Variants in LRP1B observed in about 807,000 individuals in gnomAD.
The protein encoded by LRP1B is low-density lipoprotein receptor-related protein 1B.
Under a neutral mutation model 556.6 loss-of-function variants are expected in LRP1B, and 217 were observed. The observed-to-expected ratio is 0.39, with a 90% CI of 0.35 to 0.44. The LOEUF is 0.44. Among genes scored for constraint, LRP1B ranks in the 20% least tolerant of loss-of-function variants. The pLI is 1.00. For missense variants in LRP1B, 5,053 were observed against 5,620.8 expected (o/e 0.90, Z 3.23); for synonymous variants, 2,047 against 1,865.8 (o/e 1.10, Z -2.50).
intron 25 of LRP1B, among the ~76,000 whole-genome samples, chr2:140,882,959 A>G (rs1693519971): frequency 6.6e-6 from 1 of 152,188 alleles, no homozygotes; most frequent in Non-Finnish European, 1.5e-5. Context: ...TTACAAAACA[A>G]TTACAAAGGT....
chr2:140,484,410 G>T (rs1392745305), intron 59 of LRP1B, among the ~76,000 whole-genome samples: 2 of 152,098 alleles, frequency 1.3e-5, no homozygotes, highest in Non-Finnish European at 2.9e-5. Flanking sequence ...TAAAAGCTGT[G>T]GTTTGGTGAA....
chr2:141,315,276 T>TTC (rs1686985007), intron 3 of LRP1B, among the ~76,000 whole-genome samples: 1 of 145,054 alleles, frequency 6.9e-6, no homozygotes, highest in Admixed American at 7.0e-5. Context: ...TTTTTTTTTT[T>TTC]TGAGACTGAG....
intron 11 of LRP1B, among the ~76,000 whole-genome samples, chr2:141,048,288 T>C (rs148890347): frequency 1.6e-4 from 24 of 152,208 alleles, no homozygotes; most frequent in Admixed American, 3.3e-4. Context: ...AAGATCTGGT[T>C]TGATTTATTA....
At chr2:140,435,245 GT>G (rs1390487078) in intron 66 of LRP1B, among the ~76,000 whole-genome samples, 1 of 146,976 alleles carries the variant, frequency 6.8e-6, no homozygotes, top group Non-Finnish European at 1.5e-5. Flanking sequence ...TACATATTTT[GT>G]TTTTTTCTAT....
At chr2:141,437,588 C>T (rs1247849993) in intron 3 of LRP1B, among the ~76,000 whole-genome samples, 1 of 151,890 alleles carries the variant, frequency 6.6e-6, no homozygotes, top group Non-Finnish European at 1.5e-5. Context: ...TAACTTCCAA[C>T]TACCTTAAGA....
At chr2:140,668,209 C>T (rs1685348891) in intron 41 of LRP1B, among the ~76,000 whole-genome samples, 2 of 150,800 alleles carry the variant, frequency 1.3e-5, no homozygotes, top group Admixed American at 1.3e-4. Context: ...GCTGGGGAGG[C>T]TGAGGCAGGA....
intron 32 of LRP1B, among the ~76,000 whole-genome samples, chr2:140,793,267 C>A (rs1015214933): frequency 6.6e-6 from 1 of 151,904 alleles, no homozygotes; most frequent in Non-Finnish European, 1.5e-5. Flanking sequence ...ATGACTTCGA[C>A]TTTGATTTTG....
At chr2:140,670,751 G>T (rs1411773718) in intron 41 of LRP1B, among the ~76,000 whole-genome samples, 1 of 152,144 alleles carries the variant, frequency 6.6e-6, no homozygotes, top group Non-Finnish European at 1.5e-5. Flanking sequence ...TAATGTTGAA[G>T]AAATATTCCA....
At chr2:140,663,778 G>A (rs1377995549) in intron 41 of LRP1B, among the ~76,000 whole-genome samples, 17 of 152,276 alleles carry the variant, frequency 1.1e-4, no homozygotes, top group Middle Eastern at 3.4e-3. Context: ...TTGCGACTTG[G>A]CTAACTGGCA....
At chr2:141,820,619 T>C (rs1451021474) in intron 1 of LRP1B, among the ~76,000 whole-genome samples, 3 of 152,182 alleles carry the variant, frequency 2.0e-5, no homozygotes, top group African/African-American at 4.8e-5. Context: ...TCAATAATTT[T>C]TGTTGTCATG....
At chr2:140,423,840 T>G (rs1008828461) in intron 66 of LRP1B, among the ~76,000 whole-genome samples, 4 of 152,128 alleles carry the variant, frequency 2.6e-5, no homozygotes, top group African/African-American at 9.7e-5. Flanking sequence ...TTGAGCCACT[T>G]ACATATACAA....
In LRP1B at chr2:141,961,088, C is replaced by T. The variant is rs532812123; in HGVS notation, c.83-150687G>A. ...TTACTTCATGATGTATAGCAAAATG[C>T]AGCATTTGAAGTAATTATTTATAAA... is the stretch of plus-strand genomic sequence containing the variant. On this transcript the variant is annotated intron_variant, in intron 1 of 90. Transcript: ENST00000389484. Among the ~76,000 whole-genome samples the T allele has an allele frequency of 2.6e-5, 4 of 151,570 alleles. No individual in the cohort carries two copies. The South Asian group carries it at 8.3e-4, about 31-fold the overall frequency.
chr2:141,463,630 T>C (rs1253128710), intron 3 of LRP1B, among the ~76,000 whole-genome samples: 1 of 91,830 alleles, frequency 1.1e-5, no homozygotes, highest in Non-Finnish European at 2.1e-5. Flanking sequence ...TATTATATAT[T>C]ATTATATATT....
In LRP1B at chr2:141,188,581, C is replaced by T; in HGVS notation, c.853G>A (p.Val285Met). The T allele has an allele frequency of 6.2e-7, 1 of 1,611,530 alleles. No individual in the cohort carries two copies. The highest frequency in any genetic ancestry group is 8.5e-7 in the Non-Finnish European group (1 of 1,178,714). Residue 285 changes from valine to methionine, a missense_variant and splice_region_variant, in exon 7 of 91, where the codon GTG becomes ATG. Physicochemically the swap from Val to Met is conservative, Grantham distance 21 (BLOSUM62 1). Around this residue, in one of 5 missense-constraint regions of LRP1B, gnomAD observed 3,619 missense variants for 3,931.9 expected, o/e 0.92. Coordinates refer to ENST00000389484, the MANE Select transcript of LRP1B (RefSeq NM_018557.3). ...TINILQSFHN[V>M]QQMAIDWLTR... ...AGCCAGTCAATCGCCATTTGTTGCACATCTGAAAAACACATACACAAAATC... is the reference window on the plus strand; with the variant it reads ...AGCCAGTCAATCGCCATTTGTTGCATATCTGAAAAACACATACACAAAATC...
At chr2:140,953,776 C>T (rs1695789631) in intron 18 of LRP1B, among the ~76,000 whole-genome samples, 1 of 152,156 alleles carries the variant, frequency 6.6e-6, no homozygotes, top group Non-Finnish European at 1.5e-5. Context: ...ATCATTTTAG[C>T]TATAAGGCAA....
intron 2 of LRP1B, among the ~76,000 whole-genome samples, chr2:141,563,744 G>A (rs991578316): frequency 6.6e-6 from 1 of 152,022 alleles, no homozygotes; most frequent in African/African-American, 2.4e-5. Context: ...GCAGCTGGAG[G>A]CCATTATCCT....
At chr2:140,546,811 G>T (rs1680358340) in intron 43 of LRP1B, among the ~76,000 whole-genome samples, 1 of 152,118 alleles carries the variant, frequency 6.6e-6, no homozygotes, top group Non-Finnish European at 1.5e-5. Flanking sequence ...GTCATAGATG[G>T]TTCTTATTAT....
At chr2:141,353,480 A>G (rs1688517297) in intron 3 of LRP1B, among the ~76,000 whole-genome samples, 1 of 152,018 alleles carries the variant, frequency 6.6e-6, no homozygotes. Flanking sequence ...CATTAAGAGA[A>G]ACATCTTATT....
chr2:141,468,907 G>C (rs886519824), intron 3 of LRP1B, among the ~76,000 whole-genome samples: 1 of 152,076 alleles, frequency 6.6e-6, no homozygotes, highest in Non-Finnish European at 1.5e-5. Flanking sequence ...ACCTAATCCA[G>C]AAGAAGCTCG....
Sources: gnomAD v4.1 joint callset for allele counts (sites outside exome capture counted in the v4.1 genomes callset) on GRCh38, gnomAD v4.1.1 for gene constraint, gnomAD v4.1.1 regional missense constraint, MANE v1.5 for transcripts, NCBI Gene and HGNC (gene_info 2026-07-23, HGNC 2026-07-21) for gene names.